TNFAIP8: variants seen among roughly 807,000 people sequenced by gnomAD.
TNFAIP8 encodes tumor necrosis factor alpha-induced protein 8.
Under a neutral mutation model 13.3 loss-of-function variants are expected in TNFAIP8, and 7 were observed. The observed-to-expected ratio is 0.52, with a 90% CI of 0.30 to 0.99. TNFAIP8 has a LOEUF of 0.99. Ranked by LOEUF, TNFAIP8 falls within the 50% of genes least tolerant of loss-of-function variation. The pLI is 0.07. For missense variants in TNFAIP8, 258 were observed against 236.9 expected, an observed-to-expected ratio of 1.09 and a Z score of -0.58; for synonymous variants, 94 against 87.6, an observed-to-expected ratio of 1.07 and a Z score of -0.41.
intron 1 of TNFAIP8, among the ~76,000 whole-genome samples, chr5:119,334,624 CGTGTGTGTGTGTGT>C (rs59714206): frequency 3.7e-5 from 5 of 135,696 alleles, no homozygotes; most frequent in Non-Finnish European, 4.7e-5. Context: ...GTGATCCTTT[CGTGTGTGTGTGTGT>C]GTGTGTGTGT....
chr5:119,275,567 T>C (rs1043638355), intron 1 of TNFAIP8, among the ~76,000 whole-genome samples: 2 of 149,896 alleles, frequency 1.3e-5, no homozygotes, highest in Non-Finnish European at 3.0e-5. Flanking sequence ...TATTCTGTTC[T>C]CAGAGTGTCC....
chr5:119,356,180 G>A, intron 1 of TNFAIP8, 59 bp downstream of exon 1: 2 of 1,485,912 alleles, frequency 1.3e-6, no homozygotes, highest in East Asian at 2.5e-5. Flanking sequence ...TTGGAGGAAG[G>A]CAGTGGTAGA....
intron 1 of TNFAIP8, among the ~76,000 whole-genome samples, chr5:119,270,174 G>C (rs1254081095): frequency 1.3e-5 from 2 of 152,258 alleles, no homozygotes; most frequent in Non-Finnish European, 1.5e-5. Flanking sequence ...ATTGGCACAT[G>C]AAAGGTAAGA....
At chr5:119,316,791 C>G (rs758286539) in intron 1 of TNFAIP8, among the ~76,000 whole-genome samples, 5 of 152,204 alleles carry the variant, frequency 3.3e-5, no homozygotes, top group Non-Finnish European at 7.3e-5. Flanking sequence ...TGGCTCTCAA[C>G]TGGGGGCAGT....
intron 1 of TNFAIP8, among the ~76,000 whole-genome samples, chr5:119,363,958 A>G (rs916880988): frequency 3.9e-5 from 6 of 152,222 alleles, no homozygotes; most frequent in Admixed American, 2.0e-4. Context: ...GATTTATTCT[A>G]AAGGATGCAA....
At chr5:119,318,464 A>G (rs1305687438) in intron 1 of TNFAIP8, among the ~76,000 whole-genome samples, 2 of 151,036 alleles carry the variant, frequency 1.3e-5, no homozygotes, top group African/African-American at 2.4e-5. Flanking sequence ...AATTTTTTTT[A>G]TTTTTTATTT....
intron 1 of TNFAIP8, among the ~76,000 whole-genome samples, chr5:119,332,817 T>C (rs552640285): frequency 1.3e-5 from 2 of 152,342 alleles, no homozygotes; most frequent in South Asian, 4.1e-4. Flanking sequence ...TATTAGATTG[T>C]ATAAATGCAT....
intron 1 of TNFAIP8, among the ~76,000 whole-genome samples, chr5:119,299,532 C>T (rs1308371518): frequency 6.6e-6 from 1 of 152,148 alleles, no homozygotes; most frequent in Non-Finnish European, 1.5e-5. Flanking sequence ...GGGGTGCCTC[C>T]CAGTTAGGCT....
Position 119,339,608 on chromosome 5 carries a change from A to G in TNFAIP8, c.2-53208A>G, listed in dbSNP as rs1037298519. 5.0e-4 allele frequency among the ~76,000 whole-genome samples: 76 copies of G among 152,052 alleles called. 3 individuals are homozygous for G. Reference sequence around the variant, plus strand: ...GGAGAGCAAGAACACAGATTTTGTGAACCACAGTAGCACTGCAGATCACAA... The same window carrying G: ...GGAGAGCAAGAACACAGATTTTGTGGACCACAGTAGCACTGCAGATCACAA... On this transcript the variant is annotated intron_variant, in intron 1 of 1. Transcript: ENST00000274456.
At chr5:119,383,744 G>A (rs570750515) in intron 1 of TNFAIP8, among the ~76,000 whole-genome samples, 1 of 152,320 alleles carries the variant, frequency 6.6e-6, no homozygotes, top group African/African-American at 2.4e-5. Context: ...ACTGCAGTGG[G>A]TGGCAAAGAT....
intron 1 of TNFAIP8, among the ~76,000 whole-genome samples, chr5:119,290,522 A>C (rs1005592362): frequency 2.6e-5 from 4 of 152,206 alleles, no homozygotes; most frequent in African/African-American, 9.7e-5. Context: ...ATCCAAGGGA[A>C]CATAAGGTGG....
intron 1 of TNFAIP8, among the ~76,000 whole-genome samples, chr5:119,376,335 G>A (rs1030725484): frequency 1.2e-4 from 18 of 150,912 alleles, no homozygotes; most frequent in African/African-American, 3.7e-4. Flanking sequence ...GGCTGGTCTC[G>A]AACTGCTCTC....
intron 1 of TNFAIP8, chr5:119,333,479 T>G (rs1750449898): frequency 2.1e-6 from 3 of 1,434,100 alleles, no homozygotes; most frequent in South Asian, 1.5e-5. Context: ...GAATTATTCT[T>G]GAGAAGGACT....
intron 1 of TNFAIP8, among the ~76,000 whole-genome samples, chr5:119,292,671 T>TAC (rs1749028159): frequency 5.3e-5 from 2 of 37,756 alleles, no homozygotes; most frequent in South Asian, 1.7e-3. Flanking sequence ...TATATATATA[T>TAC]ATATATATAT....
intron 1 of TNFAIP8, among the ~76,000 whole-genome samples, chr5:119,271,282 T>C (rs971633788): frequency 4.6e-5 from 7 of 152,228 alleles, no homozygotes; most frequent in African/African-American, 1.7e-4. Flanking sequence ...TGGATTTCTA[T>C]GTGACTTACG....
chr5:119,285,251 G>C (rs1350647192), intron 1 of TNFAIP8, among the ~76,000 whole-genome samples: 1 of 152,186 alleles, frequency 6.6e-6, no homozygotes, highest in East Asian at 1.9e-4. Flanking sequence ...AGAAATGTGA[G>C]TTGTCAACTA....
intron 1 of TNFAIP8, among the ~76,000 whole-genome samples, chr5:119,270,311 A>T (rs917395447): frequency 6.6e-6 from 1 of 152,266 alleles, no homozygotes; most frequent in African/African-American, 2.4e-5. Flanking sequence ...CAGTGTAAAC[A>T]TATGACTCCA....
intron 1 of TNFAIP8, among the ~76,000 whole-genome samples, chr5:119,383,899 A>G (rs897882216): frequency 2.6e-5 from 4 of 152,182 alleles, no homozygotes; most frequent in East Asian, 1.9e-4. Flanking sequence ...GATCTTCCTT[A>G]TGGTCTGTTT....
intron 1 of TNFAIP8, among the ~76,000 whole-genome samples, chr5:119,285,026 T>C (rs1273175087): frequency 6.6e-6 from 1 of 152,190 alleles, no homozygotes; most frequent in African/African-American, 2.4e-5. Flanking sequence ...TTTTTTCTAA[T>C]TTAAAGCATC....
Sources: allele counts gnomAD v4.1 joint callset (sites outside exome capture counted in the v4.1 genomes callset), GRCh38; gene constraint gnomAD v4.1.1; transcripts MANE v1.5; gene names NCBI Gene and HGNC (gene_info 2026-07-23, HGNC 2026-07-21).